The following RHCE variants were observed in gnomAD, a reference collection of about 807,000 sequenced individuals.
RHCE encodes the protein blood group Rh(CE) polypeptide.
RHCE carries 22 observed loss-of-function variants against 43.8 expected under a neutral mutation model. The ratio of observed to expected loss-of-function variants is 0.50; its 90% CI spans 0.36 to 0.72. The LOEUF (loss-of-function observed/expected upper bound fraction) is 0.72, where lower values mean the gene tolerates loss of function less well. Among genes scored for constraint, RHCE ranks in the 30% least tolerant of loss-of-function variants. The pLI, the probability that RHCE is intolerant of heterozygous loss-of-function variation, is 0.00. For synonymous variants in RHCE, 156 were observed against 210.7 expected, an observed-to-expected ratio of 0.74 and a Z score of 2.25; for missense variants, 385 against 525.4, an observed-to-expected ratio of 0.73 and a Z score of 2.61.
At chr1:25,394,013 G>A (rs556812153) in intron 3 of RHCE, among the ~76,000 whole-genome samples, 5 of 151,910 alleles carry the variant, frequency 3.3e-5, no homozygotes, top group African/African-American at 7.3e-5. Flanking sequence ...TTTTTGAGAC[G>A]GAGTCTCGCT....
intron 7 of RHCE, among the ~76,000 whole-genome samples, chr1:25,381,393 GTCT>G (rs932735594): frequency 2.6e-5 from 4 of 151,580 alleles, no homozygotes; most frequent in Non-Finnish European, 5.9e-5. Flanking sequence ...TAGTTCTGGG[GTCT>G]TCTTTTAAGC....
chr1:25,402,623 C>T lies in RHCE; in HGVS notation c.459G>A (p.Leu153=), dbSNP rs781679775. ...VLVEVTALGT[L]RMVISNIFNT... ...TGAAGATATTACTGATGACCATCCT[C>T]AGGGTGCCTAAAGCTGTCACCTCCA... Residue 153 remains leucine (L), a synonymous_variant, in exon 3 of 10, where the codon CTG becomes CTA. Coordinates refer to ENST00000294413, the MANE Select transcript of RHCE (RefSeq NM_020485.8). The T allele has an allele frequency of 1.2e-6, 2 of 1,614,120 alleles. No individual in the cohort carries two copies. Among genetic ancestry groups the T allele is most frequent in the South Asian group, 2.2e-5 (2 of 91,076 alleles).
rs1439350574 is a variant in RHCE, at chr1:25,369,862, CTGAG to C, written c.1227+601_1227+604del. On this transcript the variant is annotated intron_variant, in intron 9 of 9. Coordinates refer to ENST00000294413, the MANE Select transcript of RHCE (RefSeq NM_020485.8). ...CAAGCGATTCTCTTGCCTCAGCCTC[CTGAG>C]TAACTGGGATTACAGGCATGTGCTA... is the stretch of plus-strand genomic sequence containing the variant. 2.7e-5 allele frequency among the ~76,000 whole-genome samples: 4 copies of C among 150,646 alleles called. No homozygotes were observed. The East Asian group carries it at 7.8e-4, about 29-fold the overall frequency.
At chr1:25,404,726 C>T (rs617869) in intron 2 of RHCE, among the ~76,000 whole-genome samples, 2 of 152,096 alleles carry the variant, frequency 1.3e-5, no homozygotes, top group East Asian at 1.9e-4. Flanking sequence ...TCCTGGGCAA[C>T]TTATTTAATC....
chr1:25,414,911 T>C (rs889337003), intron 1 of RHCE, among the ~76,000 whole-genome samples: 6 of 152,120 alleles, frequency 3.9e-5, no homozygotes, highest in Admixed American at 3.9e-4. Context: ...CATGAGTAAA[T>C]TAAAAGGTTG....
At chr1:25,393,044 G>A (rs761861270) in intron 3 of RHCE, among the ~76,000 whole-genome samples, 1 of 152,110 alleles carries the variant, frequency 6.6e-6, no homozygotes, top group Non-Finnish European at 1.5e-5. Context: ...TAAGGTCTTC[G>A]GGAGATTCTA....
In RHCE at chr1:25,420,810, G is replaced by A; in HGVS notation, c.-24C>T. The stretch of plus-strand genomic sequence containing the variant: ...ATCCTGTGTCCGTCTCTGTGCAGGG[G>A]TTCCACCAGCACCAGGCATCACCCC... On this transcript the variant is annotated 5_prime_UTR_variant, in exon 1 of 10. Coordinates refer to ENST00000294413, the MANE Select transcript of RHCE (RefSeq NM_020485.8). The A allele has an allele frequency of 6.2e-7, 1 of 1,605,858 alleles. No individual in the cohort carries two copies. Among genetic ancestry groups the A allele is most frequent in the South Asian group, 1.1e-5 (1 of 90,568 alleles).
intron 3 of RHCE, among the ~76,000 whole-genome samples, chr1:25,395,548 A>G (rs984065179): frequency 1.3e-5 from 2 of 152,098 alleles, no homozygotes; most frequent in African/African-American, 4.8e-5. Flanking sequence ...AAAACTGTCC[A>G]TACTACACAG....
intron 1 of RHCE, among the ~76,000 whole-genome samples, chr1:25,419,133 G>A (rs939871173): frequency 1.3e-5 from 2 of 152,114 alleles, no homozygotes; most frequent in Admixed American, 6.5e-5. Flanking sequence ...TATGAAAAAC[G>A]AAGATCATAA....
intron 1 of RHCE, among the ~76,000 whole-genome samples, chr1:25,410,435 A>C (rs1403079781): frequency 6.6e-6 from 1 of 151,554 alleles, no homozygotes; most frequent in African/African-American, 2.4e-5. Context: ...GCATGTAGAC[A>C]ATTTTTTTTT....
At position 25,392,189 on chromosome 1, in the gene RHCE, A is replaced by G. The variant is rs552953999; in HGVS notation, c.487-48T>C. 2.5e-5 allele frequency: 41 copies of G among 1,612,944 alleles called. No individual in the cohort carries two copies. In the African/African-American group the frequency reaches 5.2e-4, roughly 21 times the overall value. On this transcript the variant is annotated intron_variant, in intron 3 of 9. Transcript: ENST00000294413. ...CAGTGAGTGTCGGCATCCTCTGCCC[A>G]GGGGAAAGCCCTGATGGTCCTTGGA...
intron 7 of RHCE, among the ~76,000 whole-genome samples, chr1:25,381,887 T>A (rs546591324): frequency 6.6e-6 from 1 of 151,576 alleles, no homozygotes; most frequent in African/African-American, 2.4e-5. Context: ...AAACTCTACT[T>A]CTTGCATTAA....
intron 6 of RHCE, among the ~76,000 whole-genome samples, chr1:25,386,082 G>A (rs1460866037): frequency 6.6e-6 from 1 of 152,176 alleles, no homozygotes; most frequent in Non-Finnish European, 1.5e-5. Flanking sequence ...CAAGGTCCCA[G>A]GTGATGCCAA....
At chr1:25,382,140 C>T (rs1489926970) in intron 7 of RHCE, among the ~76,000 whole-genome samples, 1 of 149,980 alleles carries the variant, frequency 6.7e-6, no homozygotes, top group Non-Finnish European at 1.5e-5. Context: ...GCCATCATAC[C>T]TCACCCCATG....
intron 9 of RHCE, among the ~76,000 whole-genome samples, chr1:25,367,833 C>G (rs200635980): frequency 0.081 from 10,979 of 135,538 alleles, 1,250 homozygotes; most frequent in African/African-American, 0.26. Flanking sequence ...AATTAGCCTG[C>G]CATGGTGGCC....
intron 6 of RHCE, among the ~76,000 whole-genome samples, chr1:25,386,729 G>C (rs1419231342): frequency 6.6e-6 from 1 of 152,180 alleles, no homozygotes; most frequent in Non-Finnish European, 1.5e-5. Flanking sequence ...GGCTGAGGCA[G>C]GAGAATGGTG....
rs1463488385 is a variant in RHCE at position 25,362,360 on chromosome 1, A to G, written c.*167T>C. Reference sequence around the variant, plus strand: ...AACTTATTAAATTGACTCTTAAACTAAGTTTTTAGTCTTTAATTTTTTAAT... The same window carrying G: ...AACTTATTAAATTGACTCTTAAACTGAGTTTTTAGTCTTTAATTTTTTAAT... On this transcript the variant is annotated 3_prime_UTR_variant, in exon 10 of 10. Coordinates refer to ENST00000294413, the MANE Select transcript of RHCE (RefSeq NM_020485.8). The G allele has an allele frequency of 8.2e-6, 12 of 1,470,362 alleles. No individual in the cohort carries two copies. The highest frequency in any genetic ancestry group is 1.0e-5 in the Non-Finnish European group (11 of 1,078,844). 91.1% of individuals were successfully genotyped at this position (1,470,362 alleles called of 1,614,324 possible). A position where few individuals can be genotyped will look rare whatever the true frequency, so the allele number is the denominator to read the frequency against.
At chr1:25,382,886 T>A (rs1243117425) in intron 7 of RHCE, among the ~76,000 whole-genome samples, 1 of 152,212 alleles carries the variant, frequency 6.6e-6, no homozygotes, top group Non-Finnish European at 1.5e-5. Context: ...TTTCTCCAAA[T>A]AGACTTATTT....
intron 1 of RHCE, chr1:25,411,571 G>A (rs922666465): frequency 1.9e-6 from 2 of 1,030,942 alleles, no homozygotes; most frequent in Non-Finnish European, 1.4e-6. Context: ...CACGGGACCT[G>A]GGGATTTGGG....
Sources: gnomAD v4.1 joint callset for allele counts (sites outside exome capture counted in the v4.1 genomes callset) on GRCh38, gnomAD v4.1.1 for gene constraint, MANE v1.5 for transcripts, NCBI Gene and HGNC (gene_info 2026-07-23, HGNC 2026-07-21) for gene names.